Variants in FRMD4A observed in about 807,000 individuals in gnomAD.
FRMD4A encodes the protein FERM domain containing 4A, also known as FERM domain-containing protein 4A.
A neutral mutation model predicts 129.1 loss-of-function variants in FRMD4A; 29 were observed. The ratio of observed to expected loss-of-function variants is 0.22; its 90% CI spans 0.17 to 0.31. The LOEUF is 0.31. Among genes scored for constraint, FRMD4A ranks in the 10% least tolerant of loss-of-function variants. The pLI is 1.00. For missense variants in FRMD4A, 1,272 were observed against 1,375.8 expected (o/e 0.92, Z 1.19); for synonymous variants, 634 against 571.6 (o/e 1.11, Z -1.56).
intron 2 of FRMD4A, among the ~76,000 whole-genome samples, chr10:14,039,602 A>G (rs142026441): frequency 0.011 from 1,744 of 152,230 alleles, 61 homozygotes; most frequent in East Asian, 0.11. Context: ...CTTCCATTCT[A>G]TTCAAAGTCA....
chr10:14,312,590 T>G (rs1329155032), intron 2 of FRMD4A, among the ~76,000 whole-genome samples: 2 of 152,176 alleles, frequency 1.3e-5, no homozygotes, highest in Non-Finnish European at 2.9e-5. Context: ...ATATTAAAAA[T>G]AGCCTAAATG....
intron 24 of FRMD4A, chr10:13,648,266 G>A (rs1366720365): frequency 6.6e-6 from 1 of 152,146 alleles, no homozygotes; most frequent in East Asian, 1.9e-4. Flanking sequence ...ACTGGCCATG[G>A]GTATTACTAT....
intron 2 of FRMD4A, among the ~76,000 whole-genome samples, chr10:14,205,786 G>A (rs939422634): frequency 1.3e-4 from 18 of 134,088 alleles, no homozygotes; most frequent in Admixed American, 4.1e-4. Flanking sequence ...CAGCCTGGGC[G>A]ACAGAGCGAG....
intron 4 of FRMD4A, among the ~76,000 whole-genome samples, chr10:13,799,634 G>A (rs140897525): frequency 9.0e-4 from 137 of 152,300 alleles, no homozygotes; most frequent in Middle Eastern, 3.4e-3. Context: ...AGCCTCCTGC[G>A]AGTACACCAT....
intron 12 of FRMD4A, 37 bp from the exon 13 acceptor site, chr10:13,707,150 G>C (rs376501287): frequency 8.5e-7 from 1 of 1,181,272 alleles, no homozygotes; most frequent in Non-Finnish European, 1.3e-6. Flanking sequence ...ACTCAGGAGG[G>C]GCTGGCTCCT....
chr10:14,219,598 C>T (rs1230670764), intron 2 of FRMD4A, among the ~76,000 whole-genome samples: 1 of 152,196 alleles, frequency 6.6e-6, no homozygotes, highest in Non-Finnish European at 1.5e-5. Flanking sequence ...GCTTTTTCTA[C>T]TGAGTCACAG....
Position 13,735,624 on chromosome 10 carries a change from A to C in FRMD4A, c.759+2220T>G, listed in dbSNP as rs144127730. 3.5e-4 allele frequency among the ~76,000 whole-genome samples: 54 copies of C among 152,348 alleles called. No homozygotes were observed. The East Asian group carries it at 8.5e-3, about 24-fold the overall frequency. ...AAAGCTTAAACATATTAATAAATTG[A>C]ACCAAACAAGTATGAATACTTGTTA... is the stretch of plus-strand genomic sequence containing the variant. On this transcript the variant is annotated intron_variant, in intron 12 of 24. Transcript: ENST00000357447.
chr10:13,698,183 A>G (rs1439078636), intron 14 of FRMD4A, among the ~76,000 whole-genome samples: 1 of 152,176 alleles, frequency 6.6e-6, no homozygotes, highest in East Asian at 1.9e-4. Context: ...CCCGAGTGTC[A>G]GGGGAGCACC....
chr10:13,795,566 T>A (rs2093097583), intron 5 of FRMD4A, among the ~76,000 whole-genome samples: 1 of 152,200 alleles, frequency 6.6e-6, no homozygotes, highest in South Asian at 2.1e-4. Flanking sequence ...TGTATCTCGC[T>A]CCTGAATTTC....
At chr10:14,211,881 A>G (rs1003142856) in intron 2 of FRMD4A, among the ~76,000 whole-genome samples, 5 of 152,182 alleles carry the variant, frequency 3.3e-5, no homozygotes, top group African/African-American at 4.8e-5. Flanking sequence ...GAGAGATTTA[A>G]GTTTGAAGGG....
chr10:14,222,317 C>T (rs962942747), intron 2 of FRMD4A, among the ~76,000 whole-genome samples: 1 of 152,180 alleles, frequency 6.6e-6, no homozygotes, highest in African/African-American at 2.4e-5. Context: ...CATTATTCAA[C>T]GTGAGTGTAG....
intron 2 of FRMD4A, among the ~76,000 whole-genome samples, chr10:14,174,499 T>A (rs1308723996): frequency 6.6e-6 from 1 of 152,144 alleles, no homozygotes; most frequent in African/African-American, 2.4e-5. Flanking sequence ...TGTAGCTTGT[T>A]CTCTCCAGAG....
In FRMD4A at chr10:13,826,451, C is replaced by T. The variant is rs145230458; in HGVS notation, c.112-15543G>A. 7.2e-5 allele frequency among the ~76,000 whole-genome samples: 11 copies of T among 152,298 alleles called. No individual in the cohort carries two copies. The East Asian group carries it at 1.7e-3, about 24-fold the overall frequency. On this transcript the variant is annotated intron_variant, in intron 3 of 24. Transcript: ENST00000357447. The stretch of plus-strand genomic sequence containing the variant: ...CGCTGCATCTACTATAGGATTTCTC[C>T]TCCTTGCACCTGTCTCTGCCTATTG...
At chr10:13,932,198 G>A (rs949607921) in intron 2 of FRMD4A, among the ~76,000 whole-genome samples, 1 of 152,162 alleles carries the variant, frequency 6.6e-6, no homozygotes, top group South Asian at 2.1e-4. Context: ...TTTGTCCTTG[G>A]TTCCTTTAGA....
chr10:13,894,260 A>C (rs573146458), intron 2 of FRMD4A, among the ~76,000 whole-genome samples: 2 of 152,318 alleles, frequency 1.3e-5, no homozygotes, highest in East Asian at 3.9e-4. Context: ...TCTCCACTCC[A>C]GCTGGAGCGA....
At chr10:13,969,586 G>C (rs565885472) in intron 2 of FRMD4A, among the ~76,000 whole-genome samples, 4 of 152,168 alleles carry the variant, frequency 2.6e-5, no homozygotes, top group Admixed American at 6.5e-5. Flanking sequence ...TGTGGTGGCC[G>C]ACACCTGTTA....
At chr10:14,229,209 T>C (rs1225622938) in intron 2 of FRMD4A, among the ~76,000 whole-genome samples, 14 of 152,128 alleles carry the variant, frequency 9.2e-5, no homozygotes, top group Admixed American at 9.2e-4. Context: ...TTTGACTAGT[T>C]CAATTTTTTT....
chr10:14,172,885 G>T (rs367832661), intron 2 of FRMD4A, among the ~76,000 whole-genome samples: 2 of 152,178 alleles, frequency 1.3e-5, no homozygotes, highest in African/African-American at 4.8e-5. Flanking sequence ...CTCACTTGAG[G>T]CTATCCTTCT....
At chr10:14,277,644 C>G (rs553837798) in intron 2 of FRMD4A, among the ~76,000 whole-genome samples, 1 of 152,348 alleles carries the variant, frequency 6.6e-6, no homozygotes, top group East Asian at 1.9e-4. Flanking sequence ...AGTGAGGGTT[C>G]GAGACTGAAC....
Sources: gnomAD v4.1 joint callset for allele counts (sites outside exome capture counted in the v4.1 genomes callset) on GRCh38, gnomAD v4.1.1 for gene constraint, MANE v1.5 for transcripts, NCBI Gene and HGNC (gene_info 2026-07-23, HGNC 2026-07-21) for gene names.